RPS6KC1: variants seen among roughly 807,000 people sequenced by gnomAD.
RPS6KC1 encodes inactive ribosomal protein S6 kinase delta-1.
In RPS6KC1, 54 loss-of-function variants were observed where a neutral mutation model predicts 103.8. The ratio of observed to expected loss-of-function variants is 0.52; its 90% CI spans 0.42 to 0.65. The LOEUF is 0.65. Ranked by LOEUF, RPS6KC1 falls within the 30% of genes least tolerant of loss-of-function variation. RPS6KC1 has a pLI of 0.00. For missense variants in RPS6KC1, 1,151 were observed against 1,253.8 expected (o/e 0.92, Z 1.24); for synonymous variants, 439 against 438.7 (o/e 1.00, Z -0.01).
the RPS6KC1 span, among the ~76,000 whole-genome samples, chr1:213,548,375 A>G: frequency 6.6e-6 from 1 of 152,230 alleles, no homozygotes; most frequent in Non-Finnish European, 1.5e-5. Context: ...ACTATAAAGA[A>G]AAGCAGGCTG....
chr1:213,812,692 C>T, the RPS6KC1 span, among the ~76,000 whole-genome samples: 3 of 152,118 alleles, frequency 2.0e-5, no homozygotes, highest in East Asian at 1.9e-4. Flanking sequence ...TGAACCAATT[C>T]GTGTAAGGCA....
chr1:213,241,394 A>AG lies in RPS6KC1; in HGVS notation c.1919dup (p.Ser640ArgfsTer4), dbSNP rs761167178. On this transcript the variant is annotated frameshift_variant, in exon 11 of 15. Coordinates refer to ENST00000366960, the MANE Select transcript of RPS6KC1 (RefSeq NM_012424.6). LOFTEE classifies it high-confidence loss of function. Reference sequence around the variant, plus strand: ...ATTCTTTACTCTTCCAGATGGAGACAGTGCTTCTAGGAGTTTTAATACTAG... The same window carrying AG: ...ATTCTTTACTCTTCCAGATGGAGACAGGTGCTTCTAGGAGTTTTAATACTAG... 17 of 1,613,936 alleles carry AG rather than the reference A, an allele frequency of 1.1e-5. No individual in the cohort carries two copies. Among genetic ancestry groups the AG allele is most frequent in the Non-Finnish European group, 1.4e-5 (17 of 1,179,934 alleles).
intron 12 of RPS6KC1, among the ~76,000 whole-genome samples, chr1:213,255,201 C>T (rs2094614127): frequency 6.6e-6 from 1 of 151,664 alleles, no homozygotes; most frequent in Non-Finnish European, 1.5e-5. Flanking sequence ...GGACCCATGC[C>T]TGTGGTCCCA....
chr1:213,842,203 G>C, the RPS6KC1 span: 1 of 152,418 alleles, frequency 6.6e-6, no homozygotes, highest in Admixed American at 6.6e-5. Flanking sequence ...TTGTATTATG[G>C]ACACTGCCTC....
chr1:213,653,949 G>A, the RPS6KC1 span, among the ~76,000 whole-genome samples: 45 of 152,336 alleles, frequency 3.0e-4, no homozygotes, highest in Admixed American at 2.9e-3. Context: ...CACACAGCTA[G>A]TTTATAGCAG....
chr1:213,409,330 G>T, the RPS6KC1 span, among the ~76,000 whole-genome samples: 2 of 152,068 alleles, frequency 1.3e-5, no homozygotes, highest in Non-Finnish European at 2.9e-5. Context: ...GGGGCAAAGT[G>T]CTAAGGAATG....
Position 213,241,736 on chromosome 1 carries a change from G to T in RPS6KC1, c.2260G>T (p.Asp754Tyr), listed in dbSNP as rs1289142840. The T allele has an allele frequency of 3.7e-6, 6 of 1,613,844 alleles. No homozygotes were observed. The Admixed American group carries it at 1.0e-4, about 27-fold the overall frequency. ...GGAGAAAGGCATAGAGGAACTGAGT[G>T]ATCCCTCTGGGCCCAAATCCTATAG... is the stretch of plus-strand genomic sequence containing the variant. ...HEEKGIEELS[D>Y]PSGPKSYSIT... The change falls in exon 11 of 15, where the codon GAT becomes TAT. Residue 754 changes from aspartate to tyrosine, a missense_variant. By Grantham distance (160) the Asp-to-Tyr change is radical (BLOSUM62 -3). Transcript: ENST00000366960.
Position 213,241,520 on chromosome 1 carries a change from A to G in RPS6KC1, c.2044A>G (p.Ser682Gly). Residue 682 changes from serine (S) to glycine (G), a missense_variant, in exon 11 of 15, where the codon AGT (serine) becomes GGT (glycine). By Grantham distance (56) the Ser-to-Gly change is moderately conservative. Transcript: ENST00000366960. ...TAAAGATGCTGCTTTTGATGATGTC[A>G]GTGGTACTGATGAAGGAAGACCTGA... is the stretch of plus-strand genomic sequence containing the variant. ...SFKDAAFDDVSGTDEGRPDLL... is the reference protein window; with the variant it reads ...SFKDAAFDDVGGTDEGRPDLL... 1 of 1,614,040 alleles carries G rather than the reference A, an allele frequency of 6.2e-7. No homozygotes were observed.
the RPS6KC1 span, among the ~76,000 whole-genome samples, chr1:213,745,061 A>G: frequency 6.6e-6 from 1 of 152,242 alleles, no homozygotes; most frequent in Non-Finnish European, 1.5e-5. Flanking sequence ...GTGAACACAA[A>G]GGAGATTTTT....
the RPS6KC1 span, among the ~76,000 whole-genome samples, chr1:213,543,522 A>G: frequency 6.6e-6 from 1 of 152,194 alleles, no homozygotes; most frequent in African/African-American, 2.4e-5. Context: ...GGTGATGGCT[A>G]ATAATTGGGG....
At chr1:213,592,481 A>G in the RPS6KC1 span, among the ~76,000 whole-genome samples, 1 of 152,204 alleles carries the variant, frequency 6.6e-6, no homozygotes, top group Non-Finnish European at 1.5e-5. Context: ...TGAGGCAACA[A>G]TGACTGGAGC....
the RPS6KC1 span, among the ~76,000 whole-genome samples, chr1:213,556,698 A>G: frequency 6.6e-6 from 1 of 152,216 alleles, no homozygotes; most frequent in Non-Finnish European, 1.5e-5. Flanking sequence ...AGACATTATC[A>G]TCATCTAAAA....
At chr1:213,310,523 G>T in the RPS6KC1 span, among the ~76,000 whole-genome samples, 1 of 151,972 alleles carries the variant, frequency 6.6e-6, no homozygotes, top group Non-Finnish European at 1.5e-5. Flanking sequence ...TAAGCTATTT[G>T]AAAGAGCACC....
the RPS6KC1 span, among the ~76,000 whole-genome samples, chr1:213,370,101 G>A: frequency 6.6e-6 from 1 of 152,078 alleles, no homozygotes; most frequent in Non-Finnish European, 1.5e-5. Context: ...AACCTCCAGG[G>A]CCAAGAAAAG....
intron 3 of RPS6KC1, among the ~76,000 whole-genome samples, chr1:213,091,483 C>T (rs746916249): frequency 6.6e-6 from 1 of 152,128 alleles, no homozygotes; most frequent in East Asian, 1.9e-4. Flanking sequence ...GTAAATGAAC[C>T]TTTTGTACTT....
chr1:213,444,744 CA>C, the RPS6KC1 span, among the ~76,000 whole-genome samples: 107 of 87,508 alleles, frequency 1.2e-3, 1 homozygote, highest in African/African-American at 2.1e-3. Context: ...AACTCCAACT[CA>C]AAAAAAAAAA....
At chr1:213,257,912 T>G (rs1289848687) in intron 12 of RPS6KC1, among the ~76,000 whole-genome samples, 1 of 146,976 alleles carries the variant, frequency 6.8e-6, no homozygotes. Flanking sequence ...CAAGTGATCC[T>G]CCTATCTCAG....
chr1:213,325,507 G>A, the RPS6KC1 span, among the ~76,000 whole-genome samples: 1 of 152,236 alleles, frequency 6.6e-6, no homozygotes, highest in Non-Finnish European at 1.5e-5. Context: ...CGCGCTCCAT[G>A]CACTTTGCAT....
At chr1:213,446,293 AT>A in the RPS6KC1 span, among the ~76,000 whole-genome samples, 1 of 152,118 alleles carries the variant, frequency 6.6e-6, no homozygotes, top group Non-Finnish European at 1.5e-5. Context: ...TTTTCTATCC[AT>A]TTTATTTAAT....
Sources: allele counts gnomAD v4.1 joint callset (sites outside exome capture counted in the v4.1 genomes callset), GRCh38; gene constraint gnomAD v4.1.1; transcripts MANE v1.5; gene names NCBI Gene and HGNC (gene_info 2026-07-23, HGNC 2026-07-21).